ABCC3: variants seen among roughly 807,000 people sequenced by gnomAD.
ABCC3 encodes the protein ATP binding cassette subfamily C member 3.
ABCC3 carries 121 observed loss-of-function variants against 165.3 expected under a neutral mutation model. The observed-to-expected ratio is 0.73, with a 90% CI of 0.63 to 0.85. The LOEUF (loss-of-function observed/expected upper bound fraction) is 0.85. ABCC3 is among the 40% of genes least tolerant of loss of function. ABCC3 has a pLI of 0.00. For synonymous variants in ABCC3, 733 were observed against 810.1 expected, an observed-to-expected ratio of 0.90 and a Z score of 1.62; for missense variants, 1,869 against 1,964.1, an observed-to-expected ratio of 0.95 and a Z score of 0.92.
In ABCC3 at chr17:50,675,706, GA is replaced by G. The variant is rs756601979; in HGVS notation, c.2792del (p.Lys931ArgfsTer4). On this transcript the variant is annotated frameshift_variant, in exon 21 of 31. Transcript: ENST00000285238. LOFTEE classifies it high-confidence loss of function. ...VPRRHLGPSE[K>X]VQVTEAKADG... ...CCCGGAGGCACCTGGGTCCATCAGAGAAGGTGCAGGTGACAGAGGCGAAGGC... is the reference window on the plus strand; with the variant it reads ...CCCGGAGGCACCTGGGTCCATCAGAGAGGTGCAGGTGACAGAGGCGAAGGC... The G allele has an allele frequency of 6.4e-7, 1 of 1,569,082 alleles. No homozygotes were observed. The highest frequency in any genetic ancestry group is 1.9e-5 in the Admixed American group (1 of 52,550).
chr17:50,636,085 C>T (rs1598901209), intron 1 of ABCC3, among the ~76,000 whole-genome samples: 1 of 151,954 alleles, frequency 6.6e-6, no homozygotes, highest in Non-Finnish European at 1.5e-5. Context: ...ATGTGGTCTC[C>T]GTTTTACAGA....
chr17:50,650,121 T>C (rs984042588), intron 1 of ABCC3, among the ~76,000 whole-genome samples: 3 of 152,238 alleles, frequency 2.0e-5, no homozygotes, highest in African/African-American at 4.8e-5. Context: ...CAGTGTAATT[T>C]TGATATTAAT....
Position 50,656,078 on chromosome 17 carries a change from A to AT in ABCC3, c.222+72dup, listed in dbSNP as rs1410540143. The AT allele has an allele frequency of 3.8e-4, 435 of 1,149,434 alleles. No homozygotes were observed. The African/African-American group carries it at 5.5e-3, about 15-fold the overall frequency. 71.2% of individuals were successfully genotyped at this position (1,149,434 alleles called of 1,614,324 possible). ...GATTCTGCTTTTATTTTTTAATTTAATTAAATTAATTAATTAATTAATTTA... is the reference window on the plus strand; with the variant it reads ...GATTCTGCTTTTATTTTTTAATTTAATTTAAATTAATTAATTAATTAATTTA... On this transcript the variant is annotated intron_variant, in intron 2 of 30. Coordinates refer to ENST00000285238, the MANE Select transcript of ABCC3 (RefSeq NM_003786.4).
Position 50,679,743 on chromosome 17 carries a change from C to A in ABCC3, c.3706-55C>A. On this transcript the variant is annotated intron_variant, in intron 25 of 30. Coordinates refer to ENST00000285238, the MANE Select transcript of ABCC3 (RefSeq NM_003786.4). ...CCAGGAGTCTGAACTCCTCCCAAAG[C>A]CATTACGGTGGGGAGGGGAGATCGC... 4 of 1,510,970 alleles carry A rather than the reference C, an allele frequency of 2.6e-6. No homozygotes were observed. The South Asian group carries it at 3.4e-5, about 13-fold the overall frequency. The allele number at this position is 1,510,970 out of a possible 1,614,324, so 93.6% of individuals were successfully genotyped here.
At chr17:50,647,990 G>A (rs991590155) in intron 1 of ABCC3, among the ~76,000 whole-genome samples, 2 of 151,858 alleles carry the variant, frequency 1.3e-5, no homozygotes. Context: ...TGTGAGCTGA[G>A]ATCACACCAC....
At chr17:50,678,307 G>T (rs936579480) in intron 25 of ABCC3, 88 bp downstream of exon 25, 20 of 1,401,172 alleles carry the variant, frequency 1.4e-5, no homozygotes, top group Non-Finnish European at 1.8e-5. Flanking sequence ...GCCCCTCCCT[G>T]CTCAGTATGG....
chr17:50,690,099 G>A (rs1250725712), intron 30 of ABCC3, among the ~76,000 whole-genome samples: 1 of 152,160 alleles, frequency 6.6e-6, no homozygotes, highest in African/African-American at 2.4e-5. Flanking sequence ...GGATGGAGGT[G>A]GGGCAATAAG....
At chr17:50,688,009 C>T (rs1445777391) in intron 30 of ABCC3, among the ~76,000 whole-genome samples, 1 of 151,422 alleles carries the variant, frequency 6.6e-6, no homozygotes, top group Non-Finnish European at 1.5e-5. Flanking sequence ...GGCTGGAGTG[C>T]AGTGGCTCAC....
rs575008118 is a variant in ABCC3, at chr17:50,653,878, A to G, written c.46-1954A>G. On this transcript the variant is annotated intron_variant, in intron 1 of 30. Transcript: ENST00000285238. ...AGAAATAGCCTATTTAGAACTCGGC[A>G]TTTGCTTTATCTGGACAGGTCTAAG... Among the ~76,000 whole-genome samples the G allele has an allele frequency of 2.0e-5, 3 of 152,308 alleles. No individual in the cohort carries two copies. The South Asian group carries it at 6.2e-4, about 32-fold the overall frequency.
intron 1 of ABCC3, among the ~76,000 whole-genome samples, chr17:50,653,530 C>A (rs1967158460): frequency 6.6e-6 from 1 of 151,382 alleles, no homozygotes; most frequent in Admixed American, 6.6e-5. Context: ...GCAGGCAGAT[C>A]ACCTGAGGTC....
At chr17:50,648,874 G>A (rs948719897) in intron 1 of ABCC3, among the ~76,000 whole-genome samples, 1 of 152,162 alleles carries the variant, frequency 6.6e-6, no homozygotes, top group Admixed American at 6.5e-5. Flanking sequence ...CAGCACTTTG[G>A]GAGGCCGAGG....
intron 18 of ABCC3, 138 bp from the exon 19 acceptor site, chr17:50,673,331 G>A: frequency 7.9e-7 from 1 of 1,270,470 alleles, no homozygotes; most frequent in East Asian, 2.5e-5. Context: ...GCTGTGGCGA[G>A]CACAGGGTGA....
At chr17:50,640,867 C>A (rs1480212924) in intron 1 of ABCC3, among the ~76,000 whole-genome samples, 1 of 152,152 alleles carries the variant, frequency 6.6e-6, no homozygotes, top group Non-Finnish European at 1.5e-5. Flanking sequence ...TGGGGATCAG[C>A]ACGTGTCCTT....
At chr17:50,675,070 T>C (rs147895739) in intron 19 of ABCC3, among the ~76,000 whole-genome samples, 2 of 152,326 alleles carry the variant, frequency 1.3e-5, no homozygotes, top group East Asian at 3.9e-4. Flanking sequence ...AGTGCTGGGA[T>C]TACAGGCGTG....
Position 50,642,149 on chromosome 17 carries a change from G to C in ABCC3, c.45+7168G>C, listed in dbSNP as rs553597421. 2.6e-5 allele frequency among the ~76,000 whole-genome samples: 4 copies of C among 152,376 alleles called. No homozygotes were observed. In the East Asian group the frequency reaches 7.7e-4, roughly 29 times the overall value. On this transcript the variant is annotated intron_variant, in intron 1 of 30. Transcript: ENST00000285238. ...AACTCCAAGGACTCTGGTCTGGGAA[G>C]AGAGACAGGAGGAAGGAACTGCCAT...
chr17:50,679,776 A>G (rs1967895404), intron 25 of ABCC3, 22 bp from the exon 26 acceptor site: 1 of 1,610,216 alleles, frequency 6.2e-7, no homozygotes, highest in African/African-American at 1.3e-5. Context: ...CGCCATACGT[A>G]TAACCCAGTC....
chr17:50,673,887 G>T (rs1255201882), intron 19 of ABCC3, among the ~76,000 whole-genome samples: 1 of 145,254 alleles, frequency 6.9e-6, no homozygotes, highest in African/African-American at 2.5e-5. Context: ...CTCCGCCCCG[G>T]TCTCAGAGCC....
chr17:50,642,719 G>A (rs1290689873), intron 1 of ABCC3, among the ~76,000 whole-genome samples: 2 of 152,176 alleles, frequency 1.3e-5, no homozygotes, highest in Admixed American at 6.5e-5. Context: ...TCTCCGCATC[G>A]GGGTTGGGTT....
chr17:50,646,883 A>AT (rs1375787351), intron 1 of ABCC3, among the ~76,000 whole-genome samples: 1 of 152,044 alleles, frequency 6.6e-6, no homozygotes, highest in African/African-American at 2.4e-5. Flanking sequence ...TCTTCTTTTT[A>AT]TTTTTTATTT....
Sources: gnomAD v4.1 joint callset for allele counts (sites outside exome capture counted in the v4.1 genomes callset) on GRCh38, gnomAD v4.1.1 for gene constraint, MANE v1.5 for transcripts, NCBI Gene and HGNC (gene_info 2026-07-23, HGNC 2026-07-21) for gene names.